Variants in SCAP observed in about 807,000 individuals in gnomAD.
The protein encoded by SCAP is SREBF chaperone.
A neutral mutation model predicts 123.6 loss-of-function variants in SCAP; 65 were observed. The ratio of observed to expected loss-of-function variants is 0.53; its 90% CI spans 0.43 to 0.65. SCAP has a LOEUF of 0.65. SCAP is among the 30% of genes least tolerant of loss of function. The pLI is 0.00. For missense variants in SCAP, 1,398 were observed against 1,712.5 expected (o/e 0.82, Z 3.24); for synonymous variants, 740 against 726.3 (o/e 1.02, Z -0.30).
intron 1 of SCAP, among the ~76,000 whole-genome samples, chr3:47,465,158 A>T (rs1206637740): frequency 1.3e-5 from 2 of 151,846 alleles, no homozygotes; most frequent in African/African-American, 4.9e-5. Flanking sequence ...ATGGATTGGA[A>T]GATGATATTC....
At chr3:47,470,460 ACAGGAGTTAACACC>A (rs1450193883) in intron 1 of SCAP, among the ~76,000 whole-genome samples, 1 of 152,238 alleles carries the variant, frequency 6.6e-6, no homozygotes, top group Non-Finnish European at 1.5e-5. Context: ...ACATCTGTAC[ACAGGAGTTAACACC>A]CTTATCTGGG....
At chr3:47,441,133 C>G (rs899640849) in intron 2 of SCAP, among the ~76,000 whole-genome samples, 2 of 152,092 alleles carry the variant, frequency 1.3e-5, no homozygotes, top group African/African-American at 2.4e-5. Flanking sequence ...ATCGCCTGAC[C>G]TCGTGATCTG....
At chr3:47,416,996 G>A in intron 18 of SCAP, 126 bp downstream of exon 18, 2 of 793,852 alleles carry the variant, frequency 2.5e-6, no homozygotes, top group Non-Finnish European at 4.1e-6. Flanking sequence ...GTGGAGCTGG[G>A]CACCAAGAAG....
At position 47,418,350 on chromosome 3, in the gene SCAP, C is replaced by G; in HGVS notation, c.2302G>C (p.Val768Leu). Residue 768 changes from valine to leucine, a missense_variant, in exon 15 of 23, where the codon GTG becomes CTG. This residue lies in a region of SCAP where 828 missense variants were observed against 882.5 expected (regional missense o/e 0.94). Coordinates refer to ENST00000265565, the MANE Select transcript of SCAP (RefSeq NM_012235.4). ...YGYAPPETEIVPLVLRGHLMD... is the reference protein window; with the variant it reads ...YGYAPPETEILPLVLRGHLMD... ...AGGTGGCCGCGCAGCACAAGCGGCA[C>G]GATCTCCGTCTCGGGTGGCGCATAG... 1 of 1,569,814 alleles carries G rather than the reference C, an allele frequency of 6.4e-7. No individual in the cohort carries two copies. The highest frequency in any genetic ancestry group is 8.6e-7 in the Non-Finnish European group (1 of 1,159,030).
intron 1 of SCAP, among the ~76,000 whole-genome samples, chr3:47,470,765 G>A (rs1034492663): frequency 5.9e-5 from 9 of 152,158 alleles, no homozygotes; most frequent in Non-Finnish European, 1.3e-4. Flanking sequence ...GGAGGCTGAG[G>A]CAGGAGAGTC....
At chr3:47,457,360 TCTAA>T (rs895762266) in intron 1 of SCAP, among the ~76,000 whole-genome samples, 1 of 152,202 alleles carries the variant, frequency 6.6e-6, no homozygotes, top group Non-Finnish European at 1.5e-5. Flanking sequence ...TCTGAGCTTC[TCTAA>T]CTGTGAACTT....
chr3:47,414,255 G>GT lies in SCAP; in HGVS notation c.3518_3519insA (p.Ile1174HisfsTer7). Reference sequence around the variant, plus strand: ...TGAGGTCATCCAGGCCACTGCTGATGACACAGGAGGTGGTACAGGTAAGGG... The same window carrying GT: ...TGAGGTCATCCAGGCCACTGCTGATGTACACAGGAGGTGGTACAGGTAAGGG... On this transcript the variant is annotated frameshift_variant, in exon 22 of 23. Transcript: ENST00000265565. LOFTEE classifies it high-confidence loss of function. 6.2e-7 allele frequency: 1 copy of GT among 1,613,644 alleles called. No individual in the cohort carries two copies. The highest frequency in any genetic ancestry group is 8.5e-7 in the Non-Finnish European group (1 of 1,180,028).
chr3:47,415,701 CA>C (rs2107748268), intron 18 of SCAP, among the ~76,000 whole-genome samples: 1 of 152,264 alleles, frequency 6.6e-6, no homozygotes, highest in Admixed American at 6.5e-5. Flanking sequence ...GTCTGACAGG[CA>C]GGGATGGGTA....
rs1487266497 is a variant in SCAP, at chr3:47,418,126, G to T, written c.2447+8C>A. The T allele has an allele frequency of 1.3e-6, 2 of 1,549,040 alleles. No individual in the cohort carries two copies. Among genetic ancestry groups the T allele is most frequent in the African/African-American group, 2.7e-5 (2 of 73,042 alleles). On this transcript the variant is annotated splice_region_variant and intron_variant, in intron 16 of 22. Coordinates refer to ENST00000265565, the MANE Select transcript of SCAP (RefSeq NM_012235.4). ...GGGCACAAAGGAGGAAAGGGCAGCCGCACCTACCCTGGGCGCGGAATGCGC... is the reference window on the plus strand; with the variant it reads ...GGGCACAAAGGAGGAAAGGGCAGCCTCACCTACCCTGGGCGCGGAATGCGC...
chr3:47,469,865 C>T (rs950523569), intron 1 of SCAP: 2 of 559,058 alleles, frequency 3.6e-6, no homozygotes, highest in South Asian at 2.9e-5. Context: ...GCAAAGAGAG[C>T]TCTCAGATTG....
At chr3:47,418,626 T>TTGCCCCCCCC in intron 14 of SCAP, 29 bp downstream of exon 14, 22 of 1,459,446 alleles carry the variant, frequency 1.5e-5, no homozygotes, top group Non-Finnish European at 1.9e-5. Context: ...CCGCACTCTT[T>TTGCCCCCCCC]CCCACCCCAC....
intron 6 of SCAP, 69 bp from the exon 7 acceptor site, chr3:47,426,238 G>A (rs974520225): frequency 8.8e-6 from 13 of 1,484,552 alleles, no homozygotes; most frequent in African/African-American, 2.8e-5. Context: ...GACAATCCCC[G>A]GACAGAGGGT....
At chr3:47,414,540 T>C (rs1468751999) in intron 21 of SCAP, 32 bp downstream of exon 21, 3 of 1,612,290 alleles carry the variant, frequency 1.9e-6, no homozygotes, top group African/African-American at 2.7e-5. Flanking sequence ...CCACAGACTC[T>C]GTACCCCCTA....
At chr3:47,470,793 C>T (rs1447155121) in intron 1 of SCAP, among the ~76,000 whole-genome samples, 3 of 152,064 alleles carry the variant, frequency 2.0e-5, no homozygotes, top group Non-Finnish European at 2.9e-5. Context: ...CCCAGGGGGG[C>T]GAAGGTTGCA....
In SCAP at chr3:47,413,842, G is replaced by A. The variant is rs1371488701; in HGVS notation, c.*12C>T. On this transcript the variant is annotated 3_prime_UTR_variant, in exon 23 of 23. Coordinates refer to ENST00000265565, the MANE Select transcript of SCAP (RefSeq NM_012235.4). ...CACCCCAGCCTCCTGCCTGGGCAAG[G>A]AGGCCCTGCGCTCAGTCCAGCTTCT... 5 of 1,607,458 alleles carry A rather than the reference G, an allele frequency of 3.1e-6. No homozygotes were observed. Among genetic ancestry groups the A allele is most frequent in the Admixed American group, 1.7e-5 (1 of 59,910 alleles).
At chr3:47,443,237 C>T (rs1270422960) in intron 1 of SCAP, 146 bp from the exon 2 acceptor site, 1 of 12,930 alleles carries the variant, frequency 7.7e-5, no homozygotes, top group East Asian at 1.9e-3. Flanking sequence ...CCAAAATACA[C>T]ACACACACAC....
intron 1 of SCAP, 196 bp from the exon 2 acceptor site, chr3:47,443,287 C>CTT: frequency 5.1e-6 from 1 of 194,766 alleles, no homozygotes; most frequent in Non-Finnish European, 1.1e-5. Flanking sequence ...CTCTCTCTCT[C>CTT]TCTCTCTCTC....
rs1211255794 is a variant in SCAP at position 47,423,925 on chromosome 3, TGCGTTACCTTG to T, written c.1147_1150+7del. The T allele has an allele frequency of 1.6e-5, 25 of 1,606,200 alleles. No homozygotes were observed. Among genetic ancestry groups the T allele is most frequent in the Non-Finnish European group, 2.1e-5 (25 of 1,172,982 alleles). The stretch of plus-strand genomic sequence containing the variant: ...GCAGCCCTCTGCCCAACTCTCCCAC[TGCGTTACCTTG>T]GGCGATCCGCAGCTTCACCTCCAGG... On this transcript the variant is annotated splice_donor_variant and splice_donor_5th_base_variant and coding_sequence_variant and intron_variant, in exon 9 of 23. Coordinates refer to ENST00000265565, the MANE Select transcript of SCAP (RefSeq NM_012235.4). LOFTEE classifies it high-confidence loss of function.
rs1410471707 is a variant in SCAP at position 47,421,019 on chromosome 3, A to G, written c.1256T>C (p.Leu419Pro). Residue 419 changes from leucine to proline, a missense_variant, in exon 11 of 23, where the codon CTC becomes CCC. Leu to Pro is a moderately conservative substitution (Grantham distance 98). Transcript: ENST00000265565. Reference sequence around the variant, plus strand: ...AGACACCAGCCCCACGACAGCAAAGAGACAGAACTCCTGGAATCAGAGCAC... The same window carrying G: ...AGACACCAGCCCCACGACAGCAAAGGGACAGAACTCCTGGAATCAGAGCAC... ...TLVPAIQEFC[L>P]FAVVGLVSDF... 1.2e-6 allele frequency: 2 copies of G among 1,613,808 alleles called. No individual in the cohort carries two copies. The highest frequency in any genetic ancestry group is 1.7e-6 in the Non-Finnish European group (2 of 1,179,848).
Sources: gnomAD v4.1 joint callset for allele counts (sites outside exome capture counted in the v4.1 genomes callset) on GRCh38, gnomAD v4.1.1 for gene constraint, gnomAD v4.1.1 regional missense constraint, MANE v1.5 for transcripts, NCBI Gene and HGNC (gene_info 2026-07-23, HGNC 2026-07-21) for gene names.